The following HADHB variants were observed in gnomAD, a reference collection of about 807,000 sequenced individuals.
HADHB encodes trifunctional enzyme subunit beta, mitochondrial.
In HADHB, 50 loss-of-function variants were observed where a neutral mutation model predicts 61.9. The ratio of observed to expected loss-of-function variants is 0.81; its 90% CI spans 0.64 to 1.02. The LOEUF is 1.02. HADHB is among the 50% of genes least tolerant of loss of function. HADHB has a pLI of 0.00. For missense variants in HADHB, 504 were observed against 586.5 expected, an observed-to-expected ratio of 0.86 and a Z score of 1.45; for synonymous variants, 191 against 201.6, an observed-to-expected ratio of 0.95 and a Z score of 0.45.
At position 26,254,331 on chromosome 2, in the gene HADHB, T is replaced by C; in HGVS notation, c.64+13T>C. On this transcript the variant is annotated intron_variant, in intron 2 of 15. Transcript: ENST00000317799. Reference sequence around the variant, plus strand: ...GCCCTCAGATTTTGTAAGTTTATTATTATTTTTTTATTTTTAGAGATTGGA... The same window carrying C: ...GCCCTCAGATTTTGTAAGTTTATTACTATTTTTTTATTTTTAGAGATTGGA... The C allele has an allele frequency of 1.3e-6, 2 of 1,517,242 alleles. No homozygotes were observed. The highest frequency in any genetic ancestry group is 1.1e-5 in the South Asian group (1 of 88,674). The allele number at this position is 1,517,242 out of a possible 1,614,324, so 94.0% of individuals were successfully genotyped here.
Position 26,290,089 on chromosome 2 carries a change from G to C in HADHB, c.*136G>C, listed in dbSNP as rs1056471. 653,964 of 763,492 alleles carry C rather than the reference G, an allele frequency of 0.86. 293,249 individuals are homozygous for C. Among genetic ancestry groups the C allele is most frequent in the Middle Eastern group, 0.93 (3,510 of 3,756 alleles). 47.3% of individuals were successfully genotyped at this position (763,492 alleles called of 1,614,324 possible). A position where few individuals can be genotyped will look rare whatever the true frequency, so the allele number is the denominator to read the frequency against. ...AGTTCTTGTGGCCTTCTATTAAATAGTTTGCACTTAAGCCTTGCCAGTGTT... is the reference window on the plus strand; with the variant it reads ...AGTTCTTGTGGCCTTCTATTAAATACTTTGCACTTAAGCCTTGCCAGTGTT... On this transcript the variant is annotated 3_prime_UTR_variant, in exon 16 of 16. Transcript: ENST00000317799.
intron 5 of HADHB, among the ~76,000 whole-genome samples, chr2:26,270,878 CTTT>C (rs1272001120): frequency 7.8e-6 from 1 of 128,160 alleles, no homozygotes. Context: ...TCTTCTGTAG[CTTT>C]TTTTTTTTTT....
rs766366433 is a variant in HADHB at position 26,284,934 on chromosome 2, A to G, written c.1201A>G (p.Asn401Asp). Residue 401 changes from asparagine (N) to aspartate (D), a missense_variant, in exon 14 of 16, where the codon AAC becomes GAC. Asn to Asp is a conservative substitution (Grantham distance 23, BLOSUM62 1). Coordinates refer to ENST00000317799, the MANE Select transcript of HADHB (RefSeq NM_000183.3). Reference sequence around the variant, plus strand: ...CATGGATTCTGATTGGTTTGCAGAAAACTACATGGGTAGAAAAACCAAGGT... The same window carrying G: ...CATGGATTCTGATTGGTTTGCAGAAGACTACATGGGTAGAAAAACCAAGGT... Reference protein sequence around the residue: ...KAMDSDWFAENYMGRKTKVGL... With the variant: ...KAMDSDWFAEDYMGRKTKVGL... 3 of 1,588,624 alleles carry G rather than the reference A, an allele frequency of 1.9e-6. No individual in the cohort carries two copies. The highest frequency in any genetic ancestry group is 4.5e-5 in the East Asian group (2 of 44,740).
rs1277778417 is a variant in HADHB at position 26,284,172 on chromosome 2, A to T, written c.1117A>T (p.Ile373Phe). The T allele has an allele frequency of 1.3e-6, 2 of 1,593,158 alleles. No individual in the cohort carries two copies. The highest frequency in any genetic ancestry group is 2.2e-5 in the South Asian group (2 of 90,674). The change falls in exon 13 of 16, where the codon ATT becomes TTT. Residue 373 changes from isoleucine to phenylalanine, a missense_variant. By Grantham distance (21) the Ile-to-Phe change is conservative. Coordinates refer to ENST00000317799, the MANE Select transcript of HADHB (RefSeq NM_000183.3). ...LEKAGLTMNDIDAFEFHEAFS... is the reference protein window; with the variant it reads ...LEKAGLTMNDFDAFEFHEAFS... ...AAAGGCAGGATTGACCATGAATGAT[A>T]TTGATGCTTTTGAATTTCATGAAGC...
In HADHB at chr2:26,282,899, G is replaced by A; in HGVS notation, c.988G>A (p.Gly330Ser). 6.2e-7 allele frequency: 1 copy of A among 1,612,664 alleles called. No individual in the cohort carries two copies. Among genetic ancestry groups the A allele is most frequent in the East Asian group, 2.2e-5 (1 of 44,866 alleles). The change falls in exon 11 of 16, where the codon GGT (glycine) becomes AGT (serine). Residue 330 changes from glycine (G) to serine (S), a missense_variant. By Grantham distance (56) the Gly-to-Ser change is moderately conservative. Coordinates refer to ENST00000317799, the MANE Select transcript of HADHB (RefSeq NM_000183.3). The stretch of plus-strand genomic sequence containing the variant: ...GGCGGAGGAAAAGGCTCTGGCCATG[G>A]GTTATAAGCCGAAGGCATATTTGAG... Reference protein sequence around the residue: ...IMAEEKALAMGYKPKAYLRDF... With the variant: ...IMAEEKALAMSYKPKAYLRDF...
Position 26,269,347 on chromosome 2 carries a change from A to T in HADHB, c.210-606A>T, listed in dbSNP as rs553585360. On this transcript the variant is annotated intron_variant, in intron 4 of 15. Transcript: ENST00000317799. ...GTAGCTAGGACTACAGATCCATGCC[A>T]CCACGCCTGGCTAATTTTTAATATT... Among the ~76,000 whole-genome samples, 3 of 152,150 alleles carry T rather than the reference A, an allele frequency of 2.0e-5. No individual in the cohort carries two copies. The South Asian group carries it at 6.2e-4, about 32-fold the overall frequency.
chr2:26,253,893 T>TAAATAAATAAAG (rs1558341638), intron 1 of HADHB, among the ~76,000 whole-genome samples: 1 of 150,582 alleles, frequency 6.6e-6, no homozygotes, highest in Non-Finnish European at 1.5e-5. Flanking sequence ...AATAAATAAA[T>TAAATAAATAAAG]AAATAAATAA....
rs1036083862 is a variant in HADHB, at chr2:26,261,239, A to T, written c.110-2141A>T. ...CCCCCCCCCATCCAGACAAACAAAA[A>T]AAGTATCTTTTATTGTTAAAGAGGA... On this transcript the variant is annotated intron_variant, in intron 3 of 15. Coordinates refer to ENST00000317799, the MANE Select transcript of HADHB (RefSeq NM_000183.3). 6.4e-5 allele frequency: 32 copies of T among 498,066 alleles called. No individual in the cohort carries two copies. The South Asian group carries it at 1.1e-3, about 17-fold the overall frequency. The allele number at this position is 498,066 out of a possible 1,614,324, so 30.9% of individuals were successfully genotyped here. A position where few individuals can be genotyped will look rare whatever the true frequency, so the allele number is the denominator to read the frequency against.
chr2:26,261,983 G>A (rs1671884636), intron 3 of HADHB, among the ~76,000 whole-genome samples: 1 of 151,502 alleles, frequency 6.6e-6, no homozygotes, highest in Non-Finnish European at 1.5e-5. Context: ...CTGGCCTTTT[G>A]TGCCACATGC....
chr2:26,250,623 T>G (rs1452554017), intron 1 of HADHB, among the ~76,000 whole-genome samples: 1 of 151,124 alleles, frequency 6.6e-6, no homozygotes, highest in African/African-American at 2.4e-5. Flanking sequence ...TACTTGAGGC[T>G]AGGAGTTTGA....
intron 1 of HADHB, among the ~76,000 whole-genome samples, chr2:26,248,717 A>G (rs1671259119): frequency 6.6e-6 from 1 of 152,204 alleles, no homozygotes; most frequent in Admixed American, 6.5e-5. Flanking sequence ...TGCCAATCTG[A>G]AAACCACAAA....
intron 10 of HADHB, 104 bp from the exon 11 acceptor site, chr2:26,282,741 A>G: frequency 1.3e-6 from 1 of 767,508 alleles, no homozygotes; most frequent in South Asian, 1.5e-5. Context: ...ATCACTGTAT[A>G]AGTCTAATGA....
rs1053513949 is a variant in HADHB at position 26,284,219 on chromosome 2, A to G, written c.1149+15A>G. ...AAGCTTTCTCGGTAAGTAATTTGAA[A>G]GACACATATGAAGGGACTATAGTCA... is the stretch of plus-strand genomic sequence containing the variant. On this transcript the variant is annotated intron_variant, in intron 13 of 15. Transcript: ENST00000317799. 3.8e-6 allele frequency: 5 copies of G among 1,315,238 alleles called. No individual in the cohort carries two copies. The highest frequency in any genetic ancestry group is 3.4e-5 in the Admixed American group (2 of 59,622). 81.5% of individuals were successfully genotyped at this position (1,315,238 alleles called of 1,614,324 possible). A position where few individuals can be genotyped will look rare whatever the true frequency, so the allele number is the denominator to read the frequency against.
chr2:26,282,278 A>T (rs1574666666), intron 10 of HADHB, among the ~76,000 whole-genome samples: 6 of 133,376 alleles, frequency 4.5e-5, no homozygotes, highest in African/African-American at 1.7e-4. Context: ...TTTTTGAGAC[A>T]GAGTCTGGCT....
rs1304689890 is a variant in HADHB at position 26,269,992 on chromosome 2, G to A, written c.249G>A (p.Ala83=). 4 of 1,594,952 alleles carry A rather than the reference G, an allele frequency of 2.5e-6. No homozygotes were observed. The highest frequency in any genetic ancestry group is 2.7e-5 in the African/African-American group (2 of 74,560). ...DLMPHDLARA[A]LTGLLHRTSV... ...TGCCACATGATTTGGCTAGAGCAGCGCTTACGTAAGTAAATGCAGTTTCAT... is the reference window on the plus strand; with the variant it reads ...TGCCACATGATTTGGCTAGAGCAGCACTTACGTAAGTAAATGCAGTTTCAT... Residue 83 remains alanine (A), a synonymous_variant, in exon 5 of 16, where the codon GCG becomes GCA. Transcript: ENST00000317799.
chr2:26,284,862 T>A, intron 13 of HADHB, 21 bp from the exon 14 acceptor site: 1 of 1,314,570 alleles, frequency 7.6e-7, no homozygotes, highest in Admixed American at 1.7e-5. Context: ...GAGGTTCTTA[T>A]TCGATTATTT....
At chr2:26,274,254 A>G (rs1049927658) in intron 6 of HADHB, among the ~76,000 whole-genome samples, 2 of 152,250 alleles carry the variant, frequency 1.3e-5, no homozygotes, top group Non-Finnish European at 2.9e-5. Flanking sequence ...CCTAGTTGGC[A>G]TAGCTCCATG....
chr2:26,283,086 C>A, intron 12 of HADHB, 35 bp downstream of exon 12: 2 of 1,358,636 alleles, frequency 1.5e-6, no homozygotes, highest in Non-Finnish European at 2.1e-6. Context: ...ACTATAATCA[C>A]AAGTATTTGA....
intron 15 of HADHB, among the ~76,000 whole-genome samples, chr2:26,286,817 T>G (rs1262505582): frequency 6.0e-5 from 9 of 149,980 alleles, no homozygotes; most frequent in South Asian, 2.1e-4. Context: ...GTTTTTGTTT[T>G]TTTTTTTTTT....
Sources: gnomAD v4.1 joint callset for allele counts (sites outside exome capture counted in the v4.1 genomes callset) on GRCh38, gnomAD v4.1.1 for gene constraint, MANE v1.5 for transcripts, NCBI Gene and HGNC (gene_info 2026-07-23, HGNC 2026-07-21) for gene names.